The following RANBP2 variants were observed in gnomAD, a reference collection of about 807,000 sequenced individuals.
RANBP2 encodes the protein RAN binding protein 2.
A neutral mutation model predicts 303.6 loss-of-function variants in RANBP2; 57 were observed. The ratio of observed to expected loss-of-function variants is 0.19; its 90% CI spans 0.15 to 0.23. RANBP2 has a LOEUF of 0.23. RANBP2 is among the 10% of genes least tolerant of loss of function. RANBP2 has a pLI of 1.00. For missense variants in RANBP2, 3,138 were observed against 3,780.8 expected (o/e 0.83, Z 4.46); for synonymous variants, 1,167 against 1,301.5 (o/e 0.90, Z 2.23).
chr2:108,725,819 C>G (rs1573685547), intron 1 of RANBP2, among the ~76,000 whole-genome samples: 1 of 143,706 alleles, frequency 7.0e-6, no homozygotes, highest in Non-Finnish European at 1.5e-5. Context: ...TGCTGTAGTT[C>G]TTTTTTTTTT....
the RANBP2 span, among the ~76,000 whole-genome samples, chr2:109,214,356 G>A: frequency 6.6e-6 from 1 of 152,080 alleles, no homozygotes; most frequent in Non-Finnish European, 1.5e-5. Flanking sequence ...GGCTGTGGGG[G>A]CAGCAGGAGG....
At chr2:109,391,195 A>G in the RANBP2 span, among the ~76,000 whole-genome samples, 13 of 152,220 alleles carry the variant, frequency 8.5e-5, no homozygotes, top group Non-Finnish European at 1.3e-4. Flanking sequence ...TTAGGCAGCC[A>G]TTTGTGCAGT....
the RANBP2 span, among the ~76,000 whole-genome samples, chr2:109,242,651 A>C: frequency 3.3e-5 from 5 of 152,190 alleles, no homozygotes; most frequent in African/African-American, 4.8e-5. Context: ...TGAAAACTCC[A>C]GTAAAATTAA....
the RANBP2 span, among the ~76,000 whole-genome samples, chr2:108,918,885 T>C: frequency 6.6e-6 from 1 of 152,176 alleles, no homozygotes; most frequent in African/African-American, 2.4e-5. Context: ...CTTAGAGCTG[T>C]CAACAAGGGG....
the RANBP2 span, among the ~76,000 whole-genome samples, chr2:109,209,105 C>G: frequency 6.6e-6 from 1 of 152,226 alleles, no homozygotes; most frequent in Non-Finnish European, 1.5e-5. Context: ...ACAAATGTTG[C>G]CCAACTTTTT....
chr2:109,368,502 A>G, the RANBP2 span, among the ~76,000 whole-genome samples: 28 of 152,256 alleles, frequency 1.8e-4, no homozygotes, highest in Admixed American at 1.6e-3. Flanking sequence ...TATATGAGAA[A>G]GCCAATGATT....
At chr2:109,275,688 C>T in the RANBP2 span, among the ~76,000 whole-genome samples, 31 of 152,274 alleles carry the variant, frequency 2.0e-4, no homozygotes, top group African/African-American at 7.2e-4. Flanking sequence ...ATTAGCGCGT[C>T]CTTTTAAAAG....
the RANBP2 span, chr2:108,798,383 A>G: frequency 6.3e-7 from 1 of 1,577,284 alleles, no homozygotes. Context: ...AATTTGCAGA[A>G]TTTGTGACTT....
chr2:108,911,918 C>T, the RANBP2 span, among the ~76,000 whole-genome samples: 2 of 152,218 alleles, frequency 1.3e-5, no homozygotes, highest in Non-Finnish European at 2.9e-5. Flanking sequence ...CCTGTAATAG[C>T]GTTAGCATGC....
the RANBP2 span, among the ~76,000 whole-genome samples, chr2:109,580,626 G>T: frequency 6.6e-6 from 1 of 152,048 alleles, no homozygotes; most frequent in Non-Finnish European, 1.5e-5. Flanking sequence ...CATTAACAAT[G>T]AAAGAAAGAA....
the RANBP2 span, among the ~76,000 whole-genome samples, chr2:109,271,676 C>T: frequency 1.3e-5 from 2 of 152,240 alleles, no homozygotes; most frequent in Non-Finnish European, 2.9e-5. Context: ...GTGGTGGGTG[C>T]TGCATTGTCA....
chr2:109,630,019 T>C, the RANBP2 span, among the ~76,000 whole-genome samples: 3 of 152,096 alleles, frequency 2.0e-5, no homozygotes, highest in South Asian at 4.2e-4. Context: ...CGCCCACACA[T>C]AACTACAGTG....
chr2:109,439,229 TC>T, the RANBP2 span, among the ~76,000 whole-genome samples: 4 of 152,252 alleles, frequency 2.6e-5, no homozygotes, highest in South Asian at 8.3e-4. Context: ...AGCATTCTCT[TC>T]CATCAGTTTA....
chr2:109,413,389 C>T, the RANBP2 span, among the ~76,000 whole-genome samples: 1 of 152,210 alleles, frequency 6.6e-6, no homozygotes, highest in Non-Finnish European at 1.5e-5. Flanking sequence ...TCTGGGATTA[C>T]AGGCGTGAGC....
At chr2:108,786,923 C>G, downstream of RANBP2, 2 of 1,514,998 alleles carry the variant, frequency 1.3e-6, no homozygotes, top group Non-Finnish European at 1.8e-6. Context: ...GAGGTGAAGC[C>G]GCCGCCTGAG....
chr2:109,565,775 C>A, the RANBP2 span: 33 of 1,613,646 alleles, frequency 2.0e-5, no homozygotes, highest in Non-Finnish European at 2.7e-5. Context: ...TGTACAACAC[C>A]CCAAGGGTAC....
At chr2:108,759,836 A>G (rs1021887912) in intron 18 of RANBP2, among the ~76,000 whole-genome samples, 5 of 152,014 alleles carry the variant, frequency 3.3e-5, no homozygotes, top group Non-Finnish European at 5.9e-5. Flanking sequence ...CATGATTTCC[A>G]TTTCTTCTGT....
chr2:108,814,331 A>C, the RANBP2 span, among the ~76,000 whole-genome samples: 114 of 152,244 alleles, frequency 7.5e-4, 3 homozygotes, highest in African/African-American at 2.6e-3. Context: ...GTAGTATCTT[A>C]TTATGGGCTT....
chr2:109,217,884 C>T, the RANBP2 span, among the ~76,000 whole-genome samples: 2 of 152,162 alleles, frequency 1.3e-5, no homozygotes, highest in Non-Finnish European at 2.9e-5. Context: ...TCTGTTGTGG[C>T]CTGGCACAAG....
Sources: gnomAD v4.1 joint callset for allele counts (sites outside exome capture counted in the v4.1 genomes callset) on GRCh38, gnomAD v4.1.1 for gene constraint, MANE v1.5 for transcripts, NCBI Gene and HGNC (gene_info 2026-07-23, HGNC 2026-07-21) for gene names.